The following KLC2 variants were observed in gnomAD, a reference collection of about 807,000 sequenced individuals.
The protein encoded by KLC2 is kinesin light chain 2.
A neutral mutation model predicts 75.1 loss-of-function variants in KLC2; 35 were observed. The observed-to-expected ratio is 0.47, with a 90% CI of 0.36 to 0.62. The LOEUF (loss-of-function observed/expected upper bound fraction) is 0.62. Among genes scored for constraint, KLC2 ranks in the 20% least tolerant of loss-of-function variants. The pLI is 0.00. For missense variants in KLC2, 611 were observed against 833.2 expected, an observed-to-expected ratio of 0.73 and a Z score of 3.28; for synonymous variants, 314 against 336.7, an observed-to-expected ratio of 0.93 and a Z score of 0.74.
At chr11:66,263,631 G>T (rs774706983) in intron 5 of KLC2, 29 bp from the exon 6 acceptor site, 3 of 1,534,208 alleles carry the variant, frequency 2.0e-6, no homozygotes, top group South Asian at 1.1e-5. Flanking sequence ...CTGGAGGACA[G>T]CCCTGACCAT....
In KLC2 at chr11:66,262,860, C is replaced by G; in HGVS notation, c.576C>G (p.Tyr192Ter). 6.2e-7 allele frequency: 1 copy of G among 1,613,656 alleles called. No homozygotes were observed. Among genetic ancestry groups the G allele is most frequent in the Non-Finnish European group, 8.5e-7 (1 of 1,179,946 alleles). Residue 192 changes from tyrosine (Y) to a stop codon, truncating the protein, a stop_gained, in exon 5 of 16, where the codon TAC (tyrosine) becomes TAG (stop). Coordinates refer to ENST00000394067, the MANE Select transcript of KLC2 (RefSeq NM_001318734.2). LOFTEE classifies it high-confidence loss of function. ...GGDVSGQHGG[Y>*]EIPARLRTLH... ...ATGTGTCTGGTCAGCATGGGGGCTA[C>G]GAGATCCCGGCCCGGCTCCGCACCC...
chr11:66,267,445 C>G lies in KLC2; in HGVS notation c.*489C>G. 1 of 717,072 alleles carries G rather than the reference C, an allele frequency of 1.4e-6. No individual in the cohort carries two copies. The highest frequency in any genetic ancestry group is 2.6e-6 in the Non-Finnish European group (1 of 384,786). 44.4% of individuals were successfully genotyped at this position (717,072 alleles called of 1,614,324 possible). A position where few individuals can be genotyped will look rare whatever the true frequency, so the allele number is the denominator to read the frequency against. ...GGTACCGCCCAGGCCTTAATCACCC[C>G]CATTCCGTGCGGTGGTATCTCCCAG... On this transcript the variant is annotated 3_prime_UTR_variant, in exon 16 of 16. Coordinates refer to ENST00000394067, the MANE Select transcript of KLC2 (RefSeq NM_001318734.2).
At chr11:66,265,288 C>A in intron 11 of KLC2, 53 bp downstream of exon 11, 2 of 1,484,666 alleles carry the variant, frequency 1.3e-6, no homozygotes, top group Non-Finnish European at 9.4e-7. Context: ...GCGGGCTCCA[C>A]ATTCCATACT....
intron 4 of KLC2, 158 bp downstream of exon 4, chr11:66,262,350 A>C (rs1326556056): frequency 3.1e-6 from 2 of 644,182 alleles, no homozygotes; most frequent in East Asian, 5.5e-5. Flanking sequence ...GCTGCTTCTC[A>C]CATCCCCCCA....
chr11:66,246,448 G>T, the KLC2 span, among the ~76,000 whole-genome samples: 26 of 152,126 alleles, frequency 1.7e-4, no homozygotes, highest in Non-Finnish European at 7.4e-5. Flanking sequence ...CCCTTCTGTG[G>T]CAATAAATGC....
the KLC2 span, among the ~76,000 whole-genome samples, chr11:66,245,673 G>A: frequency 2.6e-5 from 4 of 151,318 alleles, no homozygotes; most frequent in South Asian, 2.1e-4. Flanking sequence ...CCGAGATCGC[G>A]CCACTGTACT....
upstream of KLC2, among the ~76,000 whole-genome samples, chr11:66,255,696 T>C (rs1313853278): frequency 1.3e-5 from 2 of 151,790 alleles, no homozygotes; most frequent in Admixed American, 1.3e-4. Flanking sequence ...AGAGGGGGGC[T>C]GGATGGCTGA....
chr11:66,247,362 C>T, the KLC2 span, among the ~76,000 whole-genome samples: 10 of 152,240 alleles, frequency 6.6e-5, no homozygotes, highest in African/African-American at 2.4e-4. Flanking sequence ...AGTGTCCCAC[C>T]TACCTAGGTG....
intron 1 of KLC2, chr11:66,258,081 G>A (rs1856130402): frequency 6.4e-6 from 1 of 156,306 alleles, no homozygotes; most frequent in African/African-American, 2.4e-5. Flanking sequence ...CCTAGGGGAG[G>A]GGTCGTCGTG....
chr11:66,256,637 A>C (rs1856048294), upstream of KLC2, among the ~76,000 whole-genome samples: 1 of 152,198 alleles, frequency 6.6e-6, no homozygotes, highest in Non-Finnish European at 1.5e-5. Flanking sequence ...ACCAGTGCAC[A>C]CCAGCTTGGA....
intron 8 of KLC2, 63 bp downstream of exon 8, chr11:66,264,282 A>G: frequency 3.8e-6 from 6 of 1,568,800 alleles, no homozygotes; most frequent in Non-Finnish European, 5.2e-6. Flanking sequence ...AGGTTGGGGA[A>G]GAAGGAGAGA....
chr11:66,262,037 G>T (rs996120122), intron 3 of KLC2, 65 bp downstream of exon 3: 8 of 1,585,618 alleles, frequency 5.0e-6, no homozygotes, highest in African/African-American at 1.3e-5. Flanking sequence ...GGGCAGCATG[G>T]AGCAGATTCG....
intron 2 of KLC2, chr11:66,259,712 A>G (rs1209739372): frequency 2.0e-5 from 3 of 152,148 alleles, no homozygotes; most frequent in Non-Finnish European, 4.4e-5. Flanking sequence ...GGATGGAATC[A>G]CTCTCCAATG....
chr11:66,247,103 CTG>C, the KLC2 span, among the ~76,000 whole-genome samples: 1 of 152,218 alleles, frequency 6.6e-6, no homozygotes, highest in South Asian at 2.1e-4. Context: ...AGGCCGAAAA[CTG>C]GGGAATCCTC....
chr11:66,267,614 C>A lies in KLC2; in HGVS notation c.*658C>A. 3 of 599,920 alleles carry A rather than the reference C, an allele frequency of 5.0e-6. No individual in the cohort carries two copies. In the South Asian group the frequency reaches 5.8e-5, roughly 12 times the overall value. The allele number at this position is 599,920 out of a possible 1,614,324, so 37.2% of individuals were successfully genotyped here. ...CTCCCCTTAGTCCGTCCTCCCACCG[C>A]CGGGCCCTGCCCCGCATCCCGGCCT... is the stretch of plus-strand genomic sequence containing the variant. On this transcript the variant is annotated 3_prime_UTR_variant, in exon 16 of 16. Transcript: ENST00000394067.
chr11:66,252,031 C>T, the KLC2 span, among the ~76,000 whole-genome samples: 1 of 152,078 alleles, frequency 6.6e-6, no homozygotes, highest in African/African-American at 2.4e-5. Flanking sequence ...TGGGCACCTA[C>T]GGTCCACACT....
the KLC2 span, among the ~76,000 whole-genome samples, chr11:66,249,711 TCA>T: frequency 2.0e-5 from 3 of 152,002 alleles, no homozygotes; most frequent in African/African-American, 7.2e-5. Flanking sequence ...ACCTGAACAC[TCA>T]CAGTCATCCC....
At chr11:66,260,089 G>A (rs1364824304) in intron 2 of KLC2, among the ~76,000 whole-genome samples, 1 of 152,078 alleles carries the variant, frequency 6.6e-6, no homozygotes, top group Non-Finnish European at 1.5e-5. Context: ...CCCTGGGGAA[G>A]TTGTATCATT....
chr11:66,252,342 G>A (rs962702443), upstream of KLC2, among the ~76,000 whole-genome samples: 90 of 152,276 alleles, frequency 5.9e-4, no homozygotes, highest in Non-Finnish European at 1.0e-3. Context: ...CTGGAGTGCA[G>A]TGGCGCGATC....
Sources: allele counts gnomAD v4.1 joint callset (sites outside exome capture counted in the v4.1 genomes callset), GRCh38; gene constraint gnomAD v4.1.1; transcripts MANE v1.5; gene names NCBI Gene and HGNC (gene_info 2026-07-23, HGNC 2026-07-21).